ADARB2: variants seen among roughly 807,000 people sequenced by gnomAD.
ADARB2 encodes adenosine deaminase RNA specific B2 (inactive), also known as inactive double-stranded RNA-specific editase B2.
Under a neutral mutation model 62.2 loss-of-function variants are expected in ADARB2, and 25 were observed. That is an observed-to-expected ratio of 0.40 (90% CI 0.29 to 0.56). The LOEUF (loss-of-function observed/expected upper bound fraction) is 0.56, where lower values mean the gene tolerates loss of function less well. ADARB2 is among the 20% of genes least tolerant of loss of function. ADARB2 has a pLI of 0.43. For synonymous variants in ADARB2, 572 were observed against 500.8 expected (o/e 1.14, Z -1.90); for missense variants, 1,071 against 1,077.4 (o/e 0.99, Z 0.08).
At position 1,506,478 on chromosome 10, in the gene ADARB2, CA is replaced by C. The variant is rs372728841; in HGVS notation, c.101-127319del. Among the ~76,000 whole-genome samples the C allele has an allele frequency of 3.1e-4, 47 of 152,324 alleles. No homozygotes were observed. The East Asian group carries it at 8.5e-3, about 28-fold the overall frequency. On this transcript the variant is annotated intron_variant, in intron 1 of 9. Coordinates refer to ENST00000381312, the MANE Select transcript of ADARB2 (RefSeq NM_018702.4). The stretch of plus-strand genomic sequence containing the variant: ...AGCACCAGACACCAGCAAAACTCTG[CA>C]GCGCTTTTCTGTTAGTTTCAGCGAC...
Position 1,304,620 on chromosome 10 carries a change from T to G in ADARB2, c.1078-33551A>C, listed in dbSNP as rs570883898. Among the ~76,000 whole-genome samples the G allele has an allele frequency of 5.4e-3, 814 of 151,106 alleles. 39 individuals carry two copies. The East Asian group carries it at 0.12, about 22-fold the overall frequency. On this transcript the variant is annotated intron_variant, in intron 3 of 9. Coordinates refer to ENST00000381312, the MANE Select transcript of ADARB2 (RefSeq NM_018702.4). ...ACCTATTCCAAAATTGACCACATAC[T>G]TGGAAGTAAAGCTCTCCTCAGCAAA... is the stretch of plus-strand genomic sequence containing the variant.
intron 3 of ADARB2, chr10:1,291,730 A>G (rs907455303): frequency 7.2e-5 from 11 of 152,350 alleles, no homozygotes; most frequent in African/African-American, 1.7e-4. Context: ...CATGCAACCA[A>G]GACGGCTCCT....
At chr10:1,534,367 A>C (rs972698276) in intron 1 of ADARB2, among the ~76,000 whole-genome samples, 7 of 152,060 alleles carry the variant, frequency 4.6e-5, no homozygotes, top group Admixed American at 3.9e-4. Flanking sequence ...TGACCTCCTG[A>C]CCTCAGGTGA....
At chr10:1,188,783 C>T (rs1161737197) in intron 8 of ADARB2, among the ~76,000 whole-genome samples, 3 of 152,198 alleles carry the variant, frequency 2.0e-5, no homozygotes, top group East Asian at 3.8e-4. Flanking sequence ...TGCAGAGAAA[C>T]GGATGCTCAT....
At chr10:1,404,663 C>A (rs1287701014) in intron 1 of ADARB2, among the ~76,000 whole-genome samples, 1 of 152,206 alleles carries the variant, frequency 6.6e-6, no homozygotes, top group Non-Finnish European at 1.5e-5. Context: ...CCTGGCGAGT[C>A]TCTTAAAGCT....
intron 3 of ADARB2, among the ~76,000 whole-genome samples, chr10:1,293,156 A>AGGGG (rs1564248717): frequency 1.5e-5 from 1 of 66,510 alleles, no homozygotes; most frequent in Non-Finnish European, 3.1e-5. Flanking sequence ...AGGGAGAGGG[A>AGGGG]GGGTAAGAAG....
chr10:1,280,317 C>T (rs893146288), intron 3 of ADARB2, among the ~76,000 whole-genome samples: 4 of 152,206 alleles, frequency 2.6e-5, no homozygotes, highest in Admixed American at 6.5e-5. Context: ...CCTTTCTGAA[C>T]CCATGTCATG....
intron 3 of ADARB2, among the ~76,000 whole-genome samples, chr10:1,359,709 A>C (rs140255918): frequency 0.015 from 2,218 of 152,012 alleles, 30 homozygotes; most frequent in South Asian, 0.051. Context: ...CAGGACAGAG[A>C]CTCTTCCCGC....
chr10:1,193,572 C>T lies in ADARB2; in HGVS notation c.1864+6394G>A, dbSNP rs534069754. On this transcript the variant is annotated intron_variant, in intron 8 of 9. Coordinates refer to ENST00000381312, the MANE Select transcript of ADARB2 (RefSeq NM_018702.4). ...TGGCTGGTTTTCATTGCTCTTCAGT[C>T]GGCATTACTCATTTGAGATTGTTTT... Among the ~76,000 whole-genome samples the T allele has an allele frequency of 1.4e-4, 21 of 152,212 alleles. No homozygotes were observed. In the South Asian group the frequency reaches 1.5e-3, roughly 11 times the overall value.
At chr10:1,736,601 G>T (rs1282930448) in intron 1 of ADARB2, among the ~76,000 whole-genome samples, 3 of 152,264 alleles carry the variant, frequency 2.0e-5, no homozygotes, top group African/African-American at 7.2e-5. Context: ...CGATCGCAGG[G>T]CTTCGCCTAT....
chr10:1,549,579 C>T (rs1343858808), intron 1 of ADARB2, among the ~76,000 whole-genome samples: 2 of 151,950 alleles, frequency 1.3e-5, no homozygotes, highest in Non-Finnish European at 1.5e-5. Context: ...GAGACCCACG[C>T]ATGGTCAAAC....
chr10:1,256,651 G>A (rs903527322), intron 4 of ADARB2, among the ~76,000 whole-genome samples: 7 of 152,166 alleles, frequency 4.6e-5, no homozygotes, highest in African/African-American at 1.7e-4. Flanking sequence ...TATTAGTTAC[G>A]ATCCTCAACA....
At chr10:1,490,203 T>TTGGGAATTTGCCC (rs1267318921) in intron 1 of ADARB2, among the ~76,000 whole-genome samples, 7 of 152,188 alleles carry the variant, frequency 4.6e-5, no homozygotes, top group African/African-American at 1.7e-4. Context: ...AGGACTTGCC[T>TTGGGAATTTGCCC]TGGGAACTTG....
At chr10:1,230,043 C>G (rs1830789463) in intron 6 of ADARB2, among the ~76,000 whole-genome samples, 2 of 151,842 alleles carry the variant, frequency 1.3e-5, no homozygotes, top group South Asian at 4.1e-4. Flanking sequence ...CATGGCAGGT[C>G]CAGAAGGGGC....
At chr10:1,480,438 C>T (rs1267487064) in intron 1 of ADARB2, among the ~76,000 whole-genome samples, 1 of 152,212 alleles carries the variant, frequency 6.6e-6, no homozygotes, top group Non-Finnish European at 1.5e-5. Flanking sequence ...GTGGCTCACG[C>T]CTGTAATCCC....
At chr10:1,558,648 C>T (rs1443201072) in intron 1 of ADARB2, among the ~76,000 whole-genome samples, 52 of 113,200 alleles carry the variant, frequency 4.6e-4, no homozygotes, top group African/African-American at 1.3e-3. Context: ...TGCCCCCCTC[C>T]GTGGGTGCTC....
intron 1 of ADARB2, among the ~76,000 whole-genome samples, chr10:1,672,153 C>A (rs543458855): frequency 1.1e-4 from 16 of 151,750 alleles, no homozygotes; most frequent in Non-Finnish European, 1.8e-4. Flanking sequence ...GTGTGGACAG[C>A]GGGTGTGGAC....
chr10:1,472,106 C>T (rs771639681), intron 1 of ADARB2, among the ~76,000 whole-genome samples: 1 of 152,308 alleles, frequency 6.6e-6, no homozygotes, highest in South Asian at 2.1e-4. Context: ...AGTGAGACGG[C>T]TGAGATGAGA....
At chr10:1,693,301 G>A (rs1456340150) in intron 1 of ADARB2, among the ~76,000 whole-genome samples, 1 of 152,116 alleles carries the variant, frequency 6.6e-6, no homozygotes, top group East Asian at 1.9e-4. Context: ...GGCTTGTCAA[G>A]GCCGCCATGT....
Sources: allele counts gnomAD v4.1 joint callset (sites outside exome capture counted in the v4.1 genomes callset), GRCh38; gene constraint gnomAD v4.1.1; transcripts MANE v1.5; gene names NCBI Gene and HGNC (gene_info 2026-07-23, HGNC 2026-07-21).